The following MAP2K5 variants were observed in gnomAD, a reference collection of about 807,000 sequenced individuals.
MAP2K5 encodes mitogen-activated protein kinase kinase 5.
MAP2K5 carries 49 observed loss-of-function variants against 83.1 expected under a neutral mutation model. The observed-to-expected ratio is 0.59, with a 90% confidence interval of 0.47 to 0.75. MAP2K5 has a LOEUF of 0.75. Among genes scored for constraint, MAP2K5 ranks in the 30% least tolerant of loss-of-function variants. The pLI, the probability that MAP2K5 is intolerant of heterozygous loss-of-function variation, is 0.00. For synonymous variants in MAP2K5, 202 were observed against 191.8 expected, an observed-to-expected ratio of 1.05 and a Z score of -0.44; for missense variants, 457 against 557.5, an observed-to-expected ratio of 0.82 and a Z score of 1.82.
At position 67,572,548 on chromosome 15, in the gene MAP2K5, G is replaced by A. The variant is rs897679406; in HGVS notation, c.253-8206G>A. Among the ~76,000 whole-genome samples the A allele has an allele frequency of 3.9e-5, 6 of 152,126 alleles. No individual in the cohort carries two copies. Among genetic ancestry groups the A allele is most frequent in the African/African-American group, 1.4e-4 (6 of 41,424 alleles). On this transcript the variant is annotated intron_variant, in intron 3 of 21. Coordinates refer to ENST00000178640, the MANE Select transcript of MAP2K5 (RefSeq NM_145160.3). The surrounding 1 kb of genome is among the most constrained non-coding windows in gnomAD (Gnocchi z 4.2). Reference sequence around the variant, plus strand: ...TCACTCCATAGAGTAGGACGTTCCCGAAAGTAGGAGGATGAATGTGCCCAC... The same window carrying A: ...TCACTCCATAGAGTAGGACGTTCCCAAAAGTAGGAGGATGAATGTGCCCAC...
intron 8 of MAP2K5, chr15:67,628,933 T>C (rs1159886873): frequency 5.3e-6 from 4 of 757,630 alleles, no homozygotes; most frequent in Admixed American, 1.7e-5. Context: ...GGAAGCAATT[T>C]TGGAGGTGGT....
rs2090503188 is a variant in MAP2K5, at chr15:67,790,809, GA to G, written c.1243-15833del. Among the ~76,000 whole-genome samples the G allele has an allele frequency of 6.6e-6, 1 of 152,152 alleles. No individual in the cohort carries two copies. The highest frequency in any genetic ancestry group is 2.4e-5 in the African/African-American group (1 of 41,438). On this transcript the variant is annotated intron_variant, in intron 21 of 21. Coordinates refer to ENST00000178640, the MANE Select transcript of MAP2K5 (RefSeq NM_145160.3). This position sits in a 1 kb window ranked among gnomAD's most constrained non-coding sequence, Gnocchi z 4.6. ...GTTAGGTGTTATAAAAGTTTCCTTAGAAAAGGAGTATGATAAGTACTGCAAA... is the reference window on the plus strand; with the variant it reads ...GTTAGGTGTTATAAAAGTTTCCTTAGAAAGGAGTATGATAAGTACTGCAAA...
intron 16 of MAP2K5, among the ~76,000 whole-genome samples, chr15:67,718,905 A>G (rs904665071): frequency 6.6e-6 from 1 of 152,196 alleles, no homozygotes; most frequent in African/African-American, 2.4e-5. Flanking sequence ...TCTTTTTGTT[A>G]CAAACATTCC....
At chr15:67,618,884 T>C (rs2086114510) in intron 8 of MAP2K5, among the ~76,000 whole-genome samples, 2 of 152,170 alleles carry the variant, frequency 1.3e-5, no homozygotes, top group Admixed American at 1.3e-4. Flanking sequence ...CTTGCTTTCC[T>C]GTAATGTGTT....
rs1596901500 is a variant in MAP2K5, at chr15:67,747,553, A to C, written c.1075-678A>C. Among the ~76,000 whole-genome samples, 4 of 152,350 alleles carry C rather than the reference A, an allele frequency of 2.6e-5. No individual in the cohort carries two copies. The East Asian group carries it at 7.7e-4, about 29-fold the overall frequency. On this transcript the variant is annotated intron_variant, in intron 17 of 21. Transcript: ENST00000178640. The surrounding 1 kb of genome is among the most constrained non-coding windows in gnomAD (Gnocchi z 4.1). ...GTTTATCAGTGTTAAATGTGTGAGC[A>C]GCCTGCCTTCAGAATGTTGATCAGA... is the stretch of plus-strand genomic sequence containing the variant.
chr15:67,799,059 C>T (rs2090656064), intron 21 of MAP2K5, among the ~76,000 whole-genome samples: 1 of 152,260 alleles, frequency 6.6e-6, no homozygotes, highest in African/African-American at 2.4e-5. Context: ...ATCCCAGCTA[C>T]TCAGGAGGCT....
chr15:67,636,997 A>G lies in MAP2K5; in HGVS notation c.585+6070A>G, dbSNP rs1407175179. 1.3e-5 allele frequency among the ~76,000 whole-genome samples: 2 copies of G among 152,188 alleles called. No homozygotes were observed. Among genetic ancestry groups the G allele is most frequent in the African/African-American group, 4.8e-5 (2 of 41,450 alleles). On this transcript the variant is annotated intron_variant, in intron 9 of 21. Coordinates refer to ENST00000178640, the MANE Select transcript of MAP2K5 (RefSeq NM_145160.3). This position sits in a 1 kb window ranked among gnomAD's most constrained non-coding sequence, Gnocchi z 4.7. The stretch of plus-strand genomic sequence containing the variant: ...TGACTTGCTGAGTCTTCCCGCCTTC[A>G]TCTTTCTTCCATGCTGGATGCTTCC...
intron 20 of MAP2K5, among the ~76,000 whole-genome samples, chr15:67,772,485 G>C (rs1343954543): frequency 1.3e-5 from 2 of 152,060 alleles, no homozygotes; most frequent in African/African-American, 4.8e-5. Context: ...GAAAAAGTAA[G>C]AAAAAGCTTT....
chr15:67,789,157 T>A (rs1235848811), intron 21 of MAP2K5, among the ~76,000 whole-genome samples: 25 of 152,156 alleles, frequency 1.6e-4, no homozygotes. Context: ...AGTGAGTCAT[T>A]GAGGTCTTTC....
intron 14 of MAP2K5, among the ~76,000 whole-genome samples, chr15:67,692,831 T>C (rs1161738083): frequency 6.6e-6 from 1 of 152,154 alleles, no homozygotes; most frequent in Admixed American, 6.5e-5. Context: ...TATGAAAGCG[T>C]TTTGGCCAGA....
In MAP2K5 at chr15:67,807,107, T is replaced by C; in HGVS notation, c.*357T>C. The C allele has an allele frequency of 1.8e-6, 1 of 554,512 alleles. No individual in the cohort carries two copies. The highest frequency in any genetic ancestry group is 2.8e-6 in the Non-Finnish European group (1 of 358,792). 34.3% of individuals were successfully genotyped at this position (554,512 alleles called of 1,614,324 possible). ...TGATGGGAATAAAAGTATTAATGCT[T>C]TGTGACAGCCTCTGCCATAAGAGTT... On this transcript the variant is annotated 3_prime_UTR_variant, in exon 22 of 22. Coordinates refer to ENST00000178640, the MANE Select transcript of MAP2K5 (RefSeq NM_145160.3). This position sits in a 1 kb window ranked among gnomAD's most constrained non-coding sequence, Gnocchi z 5.1.
chr15:67,689,255 A>G (rs985135982), intron 13 of MAP2K5, among the ~76,000 whole-genome samples: 1 of 152,204 alleles, frequency 6.6e-6, no homozygotes. Context: ...TACATTACAT[A>G]CATAAATCAT....
chr15:67,634,766 T>A (rs1043932968), intron 9 of MAP2K5, among the ~76,000 whole-genome samples: 44 of 150,292 alleles, frequency 2.9e-4, no homozygotes, highest in East Asian at 9.7e-4. Flanking sequence ...AGCATGATAT[T>A]TTTTTTTTTA....
intron 17 of MAP2K5, among the ~76,000 whole-genome samples, chr15:67,742,290 G>C (rs2089512857): frequency 6.6e-6 from 1 of 152,170 alleles, no homozygotes; most frequent in Admixed American, 6.5e-5. Flanking sequence ...TATATGTTTG[G>C]AATATTATAA....
intron 16 of MAP2K5, among the ~76,000 whole-genome samples, chr15:67,706,873 A>T (rs2088567561): frequency 6.6e-6 from 1 of 152,144 alleles, no homozygotes; most frequent in Non-Finnish European, 1.5e-5. Context: ...TACATGAGAA[A>T]TTGTGGGGAT....
chr15:67,726,658 G>A (rs1445909373), intron 16 of MAP2K5, among the ~76,000 whole-genome samples: 2 of 152,278 alleles, frequency 1.3e-5, no homozygotes, highest in South Asian at 2.1e-4. Flanking sequence ...AAATCTTAGG[G>A]TCAGTTCCTA....
rs1451504589 is a variant in MAP2K5 at position 67,686,958 on chromosome 15, G to A, written c.848-5521G>A. 1.6e-4 allele frequency among the ~76,000 whole-genome samples: 25 copies of A among 152,132 alleles called. 1 individual carries two copies. The highest frequency in any genetic ancestry group is 1.9e-4 in the Non-Finnish European group (13 of 68,014). On this transcript the variant is annotated intron_variant, in intron 13 of 21. Transcript: ENST00000178640. ...GCAAAGATTGGTTTGAGGATGACTG[G>A]ATGTCTAGTACTTTAAAGTTTTTAA...
intron 13 of MAP2K5, among the ~76,000 whole-genome samples, chr15:67,688,465 C>T (rs771236052): frequency 1.4e-4 from 21 of 152,164 alleles, no homozygotes; most frequent in Non-Finnish European, 2.9e-4. Flanking sequence ...AAAAATGTTT[C>T]CTTGTAAACA....
chr15:67,664,765 A>C (rs1776608245), intron 13 of MAP2K5, 120 bp downstream of exon 13: 2 of 587,806 alleles, frequency 3.4e-6, no homozygotes. Context: ...TGGTACTCAA[A>C]AAGATGGCTG....
Sources: allele counts gnomAD v4.1 joint callset (sites outside exome capture counted in the v4.1 genomes callset), GRCh38; gene constraint gnomAD v4.1.1; non-coding constraint Gnocchi (gnomAD v3.1); transcripts MANE v1.5; gene names NCBI Gene and HGNC (gene_info 2026-07-23, HGNC 2026-07-21).